The following USP10 variants were observed in gnomAD, a reference collection of about 807,000 sequenced individuals.
The protein encoded by USP10 is ubiquitin specific peptidase 10.
USP10 carries 22 observed loss-of-function variants against 84.5 expected under a neutral mutation model. The ratio of observed to expected loss-of-function variants is 0.26; its 90% CI spans 0.19 to 0.37. The LOEUF (loss-of-function observed/expected upper bound fraction) is 0.37, where lower values mean the gene tolerates loss of function less well. Ranked by LOEUF, USP10 falls within the 10% of genes least tolerant of loss-of-function variation. The pLI, the probability that USP10 is intolerant of heterozygous loss-of-function variation, is 1.00. For synonymous variants in USP10, 454 were observed against 387.6 expected (o/e 1.17, Z -2.01); for missense variants, 1,019 against 998.9 (o/e 1.02, Z -0.27).
At chr16:84,761,582 G>C (rs936733608) in intron 8 of USP10, among the ~76,000 whole-genome samples, 4 of 152,236 alleles carry the variant, frequency 2.6e-5, no homozygotes, top group Non-Finnish European at 5.9e-5. Flanking sequence ...GTGACCACAC[G>C]TGAAATGCTG....
At chr16:84,732,941 A>C in intron 1 of USP10, 1 of 379,752 alleles carries the variant, frequency 2.6e-6, no homozygotes, top group East Asian at 7.3e-5. Context: ...GCATTTTTAA[A>C]CTAAGAAGTT....
At chr16:84,772,865 C>A (rs146799989) in intron 12 of USP10, among the ~76,000 whole-genome samples, 180 bp downstream of exon 12, 47 of 152,178 alleles carry the variant, frequency 3.1e-4, no homozygotes, top group African/African-American at 1.1e-3. Flanking sequence ...TGAAAATGGC[C>A]TGTTGAAAAT....
At position 84,772,618 on chromosome 16, in the gene USP10, G is replaced by C; in HGVS notation, c.2076G>C (p.Glu692Asp). The C allele has an allele frequency of 6.2e-7, 1 of 1,614,024 alleles. No homozygotes were observed. Among genetic ancestry groups the C allele is most frequent in the Non-Finnish European group, 8.5e-7 (1 of 1,179,892 alleles). Reference sequence around the variant, plus strand: ...TGCACCTGAAACGATTCGTTTATGAGAAGACTGGTGGGTGCCAGAAGCTTA... The same window carrying C: ...TGCACCTGAAACGATTCGTTTATGACAAGACTGGTGGGTGCCAGAAGCTTA... ...LVLHLKRFVYEKTGGCQKLIK... is the reference protein window; with the variant it reads ...LVLHLKRFVYDKTGGCQKLIK... The change falls in exon 12 of 14, where the codon GAG becomes GAC. Residue 692 changes from glutamate to aspartate, a missense_variant. Glu to Asp is a conservative substitution (Grantham distance 45). Transcript: ENST00000219473.
intron 1 of USP10, among the ~76,000 whole-genome samples, chr16:84,717,008 G>A (rs1266775344): frequency 1.3e-5 from 2 of 152,314 alleles, no homozygotes; most frequent in East Asian, 1.9e-4. Flanking sequence ...ATGAGATAGA[G>A]CATAGCAGTG....
chr16:84,747,084 C>G (rs915745249), intron 4 of USP10, among the ~76,000 whole-genome samples: 19 of 152,214 alleles, frequency 1.2e-4, no homozygotes, highest in Non-Finnish European at 2.1e-4. Context: ...GTGGGACCAT[C>G]ATACGTGCGG....
chr16:84,740,674 T>C (rs1470411863), intron 3 of USP10, among the ~76,000 whole-genome samples: 10 of 152,218 alleles, frequency 6.6e-5, no homozygotes, highest in Admixed American at 6.5e-4. Flanking sequence ...CATGCTGGAG[T>C]TGAAGCGAAC....
intron 13 of USP10, among the ~76,000 whole-genome samples, chr16:84,776,421 T>C (rs1166891246): frequency 6.8e-6 from 1 of 146,908 alleles, no homozygotes; most frequent in Non-Finnish European, 1.5e-5. Context: ...ACTCTCTTCT[T>C]TTCTCCCCCC....
intron 1 of USP10, among the ~76,000 whole-genome samples, chr16:84,717,189 A>G (rs1179711480): frequency 6.6e-6 from 1 of 151,914 alleles, no homozygotes; most frequent in Non-Finnish European, 1.5e-5. Flanking sequence ...GGGCTTCGGG[A>G]GCTTCAGAGG....
At chr16:84,774,655 A>T (rs1283414982) in intron 12 of USP10, among the ~76,000 whole-genome samples, 1 of 151,992 alleles carries the variant, frequency 6.6e-6, no homozygotes, top group Admixed American at 6.6e-5. Flanking sequence ...TATTTTTAAT[A>T]GAGACGTGGT....
In USP10 at chr16:84,722,807, C is replaced by T. The variant is rs1298922296; in HGVS notation, c.22-10628C>T. 4.6e-5 allele frequency among the ~76,000 whole-genome samples: 7 copies of T among 152,184 alleles called. No individual in the cohort carries two copies. In the East Asian group the frequency reaches 5.8e-4, roughly 13 times the overall value. On this transcript the variant is annotated intron_variant, in intron 1 of 13. Transcript: ENST00000219473. Reference sequence around the variant, plus strand: ...CTAACCTCAAGTGATTTGTCCGCCTCGGCCTCCCAAAGTGCTGGGATTACA... The same window carrying T: ...CTAACCTCAAGTGATTTGTCCGCCTTGGCCTCCCAAAGTGCTGGGATTACA...
chr16:84,749,040 C>T (rs113935486), intron 4 of USP10, among the ~76,000 whole-genome samples: 151 of 152,210 alleles, frequency 9.9e-4, no homozygotes, highest in Middle Eastern at 3.4e-3. Context: ...GTTGAGGCTT[C>T]GATAGACAGA....
intron 1 of USP10, among the ~76,000 whole-genome samples, chr16:84,713,514 A>C (rs1480278642): frequency 6.6e-6 from 1 of 151,978 alleles, no homozygotes; most frequent in Non-Finnish European, 1.5e-5. Context: ...CCCCCAATGT[A>C]AGCTCCTTGA....
At chr16:84,724,533 C>T (rs1457885837) in intron 1 of USP10, among the ~76,000 whole-genome samples, 1 of 152,158 alleles carries the variant, frequency 6.6e-6, no homozygotes, top group Non-Finnish European at 1.5e-5. Flanking sequence ...GATAGTTTGT[C>T]TACTTTGTTC....
At position 84,773,239 on chromosome 16, in the gene USP10, C is replaced by G. The variant is rs1313216149; in HGVS notation, c.2143+554C>G. On this transcript the variant is annotated intron_variant, in intron 12 of 13. Transcript: ENST00000219473. Reference sequence around the variant, plus strand: ...AAAGCACAGCTTCAAGAAGACTTTTCTTGAAAGCTTTAGAATTTGTGAAAA... The same window carrying G: ...AAAGCACAGCTTCAAGAAGACTTTTGTTGAAAGCTTTAGAATTTGTGAAAA... 2.0e-5 allele frequency among the ~76,000 whole-genome samples: 3 copies of G among 152,176 alleles called. No homozygotes were observed. The East Asian group carries it at 5.8e-4, about 29-fold the overall frequency.
intron 13 of USP10, among the ~76,000 whole-genome samples, chr16:84,777,343 G>C (rs774304): frequency 6.6e-6 from 1 of 151,998 alleles, no homozygotes; most frequent in African/African-American, 2.4e-5. Flanking sequence ...AGGCCCTGCA[G>C]ATTCTACTGA....
intron 10 of USP10, among the ~76,000 whole-genome samples, chr16:84,766,157 G>C (rs1263253617): frequency 3.9e-5 from 6 of 152,182 alleles, no homozygotes; most frequent in African/African-American, 1.2e-4. Flanking sequence ...CTTTCAACAG[G>C]TGAATAATAA....
intron 10 of USP10, among the ~76,000 whole-genome samples, chr16:84,764,501 C>T (rs1913597067): frequency 6.6e-6 from 1 of 152,174 alleles, no homozygotes; most frequent in Admixed American, 6.5e-5. Context: ...TCTACTCTGT[C>T]AAGTTCAGCT....
rs1555551161 is a variant in USP10, at chr16:84,778,091, C to CGTGTGTGTGTGTGTGTG, written c.2210-804_2210-803insGTGTGTGTGTGTGTGTG. Among the ~76,000 whole-genome samples, 378 of 143,522 alleles carry CGTGTGTGTGTGTGTGTG rather than the reference C, an allele frequency of 2.6e-3. 1 individual carries two copies. Among genetic ancestry groups the CGTGTGTGTGTGTGTGTG allele is most frequent in the African/African-American group, 9.3e-3 (363 of 38,884 alleles). 94.2% of individuals were successfully genotyped at this position (143,522 alleles called of 152,430 possible). On this transcript the variant is annotated intron_variant, in intron 13 of 13. Coordinates refer to ENST00000219473, the MANE Select transcript of USP10 (RefSeq NM_005153.3). ...TAGGATTTTTTTTTTAAGTAAATAACTGTGTGTGTGTGTGTGTGTGTGTGT... is the reference window on the plus strand; with the variant it reads ...TAGGATTTTTTTTTTAAGTAAATAACGTGTGTGTGTGTGTGTGTGTGTGTGTGTGTGTGTGTGTGTGT...
At chr16:84,759,301 G>A in intron 5 of USP10, 62 bp from the exon 6 acceptor site, 2 of 1,460,036 alleles carry the variant, frequency 1.4e-6, no homozygotes, top group Non-Finnish European at 1.9e-6. Context: ...TGCTTCATGT[G>A]CCTTCAGGAA....
Sources: allele counts gnomAD v4.1 joint callset (sites outside exome capture counted in the v4.1 genomes callset), GRCh38; gene constraint gnomAD v4.1.1; transcripts MANE v1.5; gene names NCBI Gene and HGNC (gene_info 2026-07-23, HGNC 2026-07-21).